The following LSM3 variants were observed in gnomAD, a reference collection of about 807,000 sequenced individuals.
LSM3 encodes the protein LSM3 homolog, U6 small nuclear RNA and mRNA degradation associated.
In LSM3, 14 loss-of-function variants were observed where a neutral mutation model predicts 15.4. The observed-to-expected ratio is 0.91, with a 90% CI of 0.60 to 1.42. LSM3 has a LOEUF of 1.42. Among genes scored for constraint, LSM3 ranks in the 40% most tolerant of loss-of-function variants. LSM3 has a pLI of 0.00. For synonymous variants in LSM3, 46 were observed against 45.1 expected (o/e 1.02, Z -0.08); for missense variants, 88 against 127.9 (o/e 0.69, Z 1.50).
intron 1 of LSM3, 120 bp downstream of exon 1, chr3:14,179,001 C>G (rs568121860): frequency 9.0e-7 from 1 of 1,112,480 alleles, no homozygotes; most frequent in African/African-American, 1.5e-5. Flanking sequence ...CTAATCCACC[C>G]TGTCCTTTCC....
Position 14,181,569 on chromosome 3 carries a change from A to G in LSM3, c.31A>G (p.Thr11Ala), listed in dbSNP as rs1284765082. Reference protein sequence around the residue: MADDVDQQQTTNTVEEPLDLI... With the variant: MADDVDQQQTANTVEEPLDLI... ...CTGTTTCTTTTATCAGCAACAAACT[A>G]CCAACACTGTAGAGGAGCCCCTGGA... is the stretch of plus-strand genomic sequence containing the variant. Residue 11 changes from threonine (T) to alanine (A), a missense_variant, in exon 2 of 4, where the codon ACC (threonine) becomes GCC (alanine). By Grantham distance (58) the Thr-to-Ala change is moderately conservative. Coordinates refer to ENST00000306024, the MANE Select transcript of LSM3 (RefSeq NM_014463.3). The G allele has an allele frequency of 1.9e-6, 3 of 1,609,582 alleles. No homozygotes were observed. The highest frequency in any genetic ancestry group is 2.2e-5 in the East Asian group (1 of 44,862).
intron 3 of LSM3, among the ~76,000 whole-genome samples, chr3:14,184,767 AAAAC>A (rs1422570875): frequency 6.6e-6 from 1 of 151,896 alleles, no homozygotes; most frequent in African/African-American, 2.4e-5. Flanking sequence ...AAAAAAAAAA[AAAAC>A]CTGGCCAGGC....
intron 3 of LSM3, among the ~76,000 whole-genome samples, chr3:14,195,359 G>A (rs1697178857): frequency 6.6e-6 from 1 of 152,052 alleles, no homozygotes; most frequent in African/African-American, 2.4e-5. Flanking sequence ...AAGGAAGAAG[G>A]AATTTTTATG....
chr3:14,180,039 T>C (rs916997062), intron 1 of LSM3, among the ~76,000 whole-genome samples: 5 of 152,216 alleles, frequency 3.3e-5, no homozygotes, highest in African/African-American at 1.2e-4. Context: ...TGAGTTAGGT[T>C]ATTTTTTTCT....
intron 3 of LSM3, among the ~76,000 whole-genome samples, chr3:14,186,075 C>G (rs1697085992): frequency 6.6e-6 from 1 of 152,154 alleles, no homozygotes; most frequent in African/African-American, 2.4e-5. Flanking sequence ...CCACGCCCAG[C>G]TAATTTTTGT....
intron 3 of LSM3, among the ~76,000 whole-genome samples, chr3:14,196,376 C>T (rs1697187801): frequency 6.6e-6 from 1 of 152,172 alleles, no homozygotes; most frequent in Admixed American, 6.5e-5. Context: ...ATATCCAGCT[C>T]AGGGTGCAGG....
intron 3 of LSM3, among the ~76,000 whole-genome samples, chr3:14,189,303 T>C (rs1697118132): frequency 6.6e-6 from 1 of 152,260 alleles, no homozygotes; most frequent in African/African-American, 2.4e-5. Context: ...TTTATAATCC[T>C]TTGGGTATAT....
chr3:14,188,007 G>A (rs1019871014), intron 3 of LSM3, among the ~76,000 whole-genome samples: 1 of 152,266 alleles, frequency 6.6e-6, no homozygotes, highest in South Asian at 2.1e-4. Flanking sequence ...GGGACGTTGT[G>A]CCCTTTTGTA....
intron 3 of LSM3, among the ~76,000 whole-genome samples, chr3:14,191,918 A>G (rs940926257): frequency 3.9e-5 from 6 of 152,250 alleles, no homozygotes; most frequent in South Asian, 2.1e-4. Flanking sequence ...GTGGGCATTT[A>G]GTGCTATAAA....
At chr3:14,181,013 G>A (rs116456017) in intron 1 of LSM3, among the ~76,000 whole-genome samples, 1,546 of 151,864 alleles carry the variant, frequency 0.01, 10 homozygotes, top group Non-Finnish European at 0.015. Flanking sequence ...CACCATGCCC[G>A]GCTAAGCCAG....
intron 3 of LSM3, among the ~76,000 whole-genome samples, chr3:14,191,377 C>A (rs1370619429): frequency 6.6e-6 from 1 of 152,140 alleles, no homozygotes; most frequent in Non-Finnish European, 1.5e-5. Context: ...TCTCTTTGTA[C>A]CTCTGGTAGA....
At chr3:14,188,791 A>G (rs1233404050) in intron 3 of LSM3, among the ~76,000 whole-genome samples, 1 of 152,098 alleles carries the variant, frequency 6.6e-6, no homozygotes, top group Non-Finnish European at 1.5e-5. Context: ...ATTCTGCTGT[A>G]AATAATTTTA....
At chr3:14,180,224 C>T (rs1024529151) in intron 1 of LSM3, among the ~76,000 whole-genome samples, 7 of 152,126 alleles carry the variant, frequency 4.6e-5, no homozygotes, top group African/African-American at 1.7e-4. Context: ...CCTCTAAAAC[C>T]AATGTTTCCA....
rs1322470248 is a variant in LSM3 at position 14,184,450 on chromosome 3, T to C, written c.228+418T>C. ...AACTGAAACTGAAAAATTTTTTAAA[T>C]ATTTATTCATTAAAAAAACCTGGGC... On this transcript the variant is annotated intron_variant, in intron 3 of 3. Transcript: ENST00000306024. Among the ~76,000 whole-genome samples the C allele has an allele frequency of 5.9e-5, 9 of 152,260 alleles. No individual in the cohort carries two copies. The East Asian group carries it at 1.7e-3, about 29-fold the overall frequency.
chr3:14,179,675 A>C (rs1351125616), intron 1 of LSM3, among the ~76,000 whole-genome samples: 4 of 152,318 alleles, frequency 2.6e-5, no homozygotes, highest in African/African-American at 9.6e-5. Context: ...CCATAAGAGC[A>C]GGGATTTTGT....
intron 1 of LSM3, among the ~76,000 whole-genome samples, chr3:14,180,299 CT>C (rs111830905): frequency 2.7e-5 from 4 of 150,250 alleles, no homozygotes; most frequent in Non-Finnish European, 4.4e-5. Context: ...CTATTCTTTT[CT>C]TTTTTTTGGA....
At chr3:14,179,033 G>A (rs1036836473) in intron 1 of LSM3, 152 bp downstream of exon 1, 1 of 799,948 alleles carries the variant, frequency 1.3e-6, no homozygotes, top group Non-Finnish European at 2.0e-6. Context: ...TCCGAATTTT[G>A]CCGTAGGCCC....
intron 3 of LSM3, among the ~76,000 whole-genome samples, chr3:14,197,023 AG>A (rs1559393728): frequency 1.3e-5 from 2 of 152,242 alleles, no homozygotes. Flanking sequence ...TTGCTACAAA[AG>A]TTTGGGTGGA....
chr3:14,191,093 T>G (rs1193033395), intron 3 of LSM3, among the ~76,000 whole-genome samples: 1 of 152,206 alleles, frequency 6.6e-6, no homozygotes, highest in Non-Finnish European at 1.5e-5. Context: ...TTACATTGAT[T>G]TGCATATGTT....
Sources: gnomAD v4.1 joint callset for allele counts (sites outside exome capture counted in the v4.1 genomes callset) on GRCh38, gnomAD v4.1.1 for gene constraint, MANE v1.5 for transcripts, NCBI Gene and HGNC (gene_info 2026-07-23, HGNC 2026-07-21) for gene names.